Variants in PRLR observed in about 807,000 individuals in gnomAD.
The protein encoded by PRLR is prolactin receptor, also known as hPRL receptor.
In PRLR, 13 loss-of-function variants were observed where a neutral mutation model predicts 40.2. The ratio of observed to expected loss-of-function variants is 0.32; its 90% confidence interval spans 0.21 to 0.51. PRLR has a LOEUF of 0.51. PRLR is among the 20% of genes least tolerant of loss of function. The pLI is 0.97. For missense variants in PRLR, 656 were observed against 747.3 expected (o/e 0.88, Z 1.42); for synonymous variants, 269 against 278.7 (o/e 0.97, Z 0.35).
At chr5:35,086,971 C>G (rs1407738086) in intron 3 of PRLR, among the ~76,000 whole-genome samples, 1 of 151,978 alleles carries the variant, frequency 6.6e-6, no homozygotes, top group Non-Finnish European at 1.5e-5. Context: ...CCATCTTCTC[C>G]TTTCCTTCCC....
intron 2 of PRLR, among the ~76,000 whole-genome samples, chr5:35,093,352 T>C (rs927702986): frequency 2.0e-5 from 3 of 152,172 alleles, no homozygotes; most frequent in African/African-American, 7.2e-5. Flanking sequence ...TACCCTCTCT[T>C]AGACTTCACC....
intron 1 of PRLR, among the ~76,000 whole-genome samples, chr5:35,150,023 TACAGGCATGC>T (rs1364327808): frequency 6.6e-6 from 1 of 152,182 alleles, no homozygotes; most frequent in Non-Finnish European, 1.5e-5. Context: ...TAGCTGGGAT[TACAGGCATGC>T]GCCACGACGC....
Position 35,084,568 on chromosome 5 carries a change from T to C in PRLR, c.275A>G (p.Tyr92Cys). ...GPNSCHFGKQ[Y>C]TSMWRTYIMM... ...GATGTATGTCCTCCACATGGAGGTG[T>C]ACTGCTTGCCAAAGTGGCAGGAGTT... Residue 92 changes from tyrosine to cysteine, a missense_variant, in exon 5 of 10, where the codon TAC (tyrosine) becomes TGC (cysteine). Transcript: ENST00000618457. 6.2e-7 allele frequency: 1 copy of C among 1,609,986 alleles called. No individual in the cohort carries two copies. Among genetic ancestry groups the C allele is most frequent in the Non-Finnish European group, 8.5e-7 (1 of 1,178,588 alleles).
chr5:35,163,745 C>T (rs1323928740), intron 1 of PRLR, among the ~76,000 whole-genome samples: 1 of 152,206 alleles, frequency 6.6e-6, no homozygotes, highest in South Asian at 2.1e-4. Context: ...TTTCTTAATC[C>T]TTCTCAAGTG....
At chr5:35,092,016 A>G (rs1455834239) in intron 2 of PRLR, among the ~76,000 whole-genome samples, 1 of 152,186 alleles carries the variant, frequency 6.6e-6, no homozygotes, top group Non-Finnish European at 1.5e-5. Context: ...GCAGGGCTCC[A>G]TGCGTTTTGC....
chr5:35,108,175 C>G (rs1039931545), intron 2 of PRLR, among the ~76,000 whole-genome samples: 2 of 152,118 alleles, frequency 1.3e-5, no homozygotes, highest in African/African-American at 4.8e-5. Flanking sequence ...ATTCAACACC[C>G]CTTCATGCTA....
intron 1 of PRLR, among the ~76,000 whole-genome samples, chr5:35,142,443 C>A (rs1774052758): frequency 6.6e-6 from 1 of 152,120 alleles, no homozygotes; most frequent in Non-Finnish European, 1.5e-5. Flanking sequence ...ATAGCCACAA[C>A]AAGAGAGAAG....
chr5:35,124,991 G>T (rs981270245), intron 1 of PRLR, among the ~76,000 whole-genome samples: 8 of 152,168 alleles, frequency 5.3e-5, no homozygotes, highest in Non-Finnish European at 1.2e-4. Context: ...GTTATAACCT[G>T]CCAAGGCCAC....
chr5:35,120,055 T>C (rs1309542613), intron 1 of PRLR, among the ~76,000 whole-genome samples: 2 of 152,130 alleles, frequency 1.3e-5, no homozygotes, highest in Admixed American at 1.3e-4. Context: ...GTCTATTCTT[T>C]ACCTGCTCTG....
chr5:35,117,602 A>C (rs1314245417), intron 2 of PRLR, among the ~76,000 whole-genome samples: 1 of 152,210 alleles, frequency 6.6e-6, no homozygotes, highest in East Asian at 1.9e-4. Context: ...TCCTGCCATG[A>C]GGGCTGGGAG....
intron 1 of PRLR, among the ~76,000 whole-genome samples, chr5:35,125,827 G>C (rs73075093): frequency 5.9e-5 from 9 of 152,324 alleles, no homozygotes; most frequent in African/African-American, 2.2e-4. Context: ...ACTGTTGAGA[G>C]GGGAATGTTA....
At chr5:35,107,307 A>G (rs1239626839) in intron 2 of PRLR, among the ~76,000 whole-genome samples, 1 of 152,214 alleles carries the variant, frequency 6.6e-6, no homozygotes, top group Non-Finnish European at 1.5e-5. Context: ...TAACATCACA[A>G]TTAGAAGAAC....
chr5:35,123,961 T>C (rs1773374845), intron 1 of PRLR, among the ~76,000 whole-genome samples: 1 of 152,142 alleles, frequency 6.6e-6, no homozygotes, highest in Admixed American at 6.6e-5. Context: ...TCTGAAAGAA[T>C]TATAACAGAG....
chr5:35,049,504 G>A (rs1259622198), intron 8 of PRLR: 11 of 632,320 alleles, frequency 1.7e-5, no homozygotes, highest in East Asian at 2.7e-5. Flanking sequence ...TAAATTATTC[G>A]GATTACCATA....
chr5:35,111,621 G>A (rs1772664267), intron 2 of PRLR, among the ~76,000 whole-genome samples: 1 of 152,144 alleles, frequency 6.6e-6, no homozygotes, highest in South Asian at 2.1e-4. Context: ...GAATCATGGG[G>A]AAGAGATCTA....
chr5:35,205,426 T>C (rs918175666), intron 1 of PRLR, among the ~76,000 whole-genome samples: 3 of 152,180 alleles, frequency 2.0e-5, no homozygotes, highest in African/African-American at 7.2e-5. Context: ...CAAAACCAAA[T>C]TGTTGGCTTC....
At chr5:35,156,253 T>A (rs1355234895) in intron 1 of PRLR, among the ~76,000 whole-genome samples, 1 of 152,190 alleles carries the variant, frequency 6.6e-6, no homozygotes, top group African/African-American at 2.4e-5. Context: ...ATGAGATTTT[T>A]ATAAATGCAA....
At chr5:35,175,733 C>T (rs887951432) in intron 1 of PRLR, among the ~76,000 whole-genome samples, 31 of 152,140 alleles carry the variant, frequency 2.0e-4, no homozygotes, top group African/African-American at 2.4e-5. Context: ...AAATAGGATG[C>T]TATTCGTAAG....
rs181101340 is a variant in PRLR at position 35,227,543 on chromosome 5, A to G, written c.-106+2725T>C. Among the ~76,000 whole-genome samples the G allele has an allele frequency of 1.9e-4, 29 of 152,382 alleles. 1 individual carries two copies. The highest frequency in any genetic ancestry group is 1.6e-3 in the Admixed American group (24 of 15,308). On this transcript the variant is annotated intron_variant, in intron 1 of 9. Coordinates refer to ENST00000618457, the MANE Select transcript of PRLR (RefSeq NM_000949.7). Reference sequence around the variant, plus strand: ...AGTGCTTAGCACATCTTAAAGGCTCAGTAAATAGTAGGCATGAATATTGCT... The same window carrying G: ...AGTGCTTAGCACATCTTAAAGGCTCGGTAAATAGTAGGCATGAATATTGCT...
Sources: gnomAD v4.1 joint callset for allele counts (sites outside exome capture counted in the v4.1 genomes callset) on GRCh38, gnomAD v4.1.1 for gene constraint, MANE v1.5 for transcripts, NCBI Gene and HGNC (gene_info 2026-07-23, HGNC 2026-07-21) for gene names.